The following CCAR2 variants were observed in gnomAD, a reference collection of about 807,000 sequenced individuals.
CCAR2 encodes cell cycle and apoptosis regulator protein 2.
A neutral mutation model predicts 108.1 loss-of-function variants in CCAR2; 21 were observed. The ratio of observed to expected loss-of-function variants is 0.19; its 90% CI spans 0.14 to 0.28. CCAR2 has a LOEUF of 0.28. Among genes scored for constraint, CCAR2 ranks in the 10% least tolerant of loss-of-function variants. The probability of loss-of-function intolerance (pLI) is 1.00; values close to 1 mark genes in which losing one functional copy is unlikely to be tolerated. For missense variants in CCAR2, 1,126 were observed against 1,177.0 expected (o/e 0.96, Z 0.63); for synonymous variants, 577 against 472.8 (o/e 1.22, Z -2.86).
chr8:22,613,131 G>A lies in CCAR2; in HGVS notation c.699G>A (p.Val233=). The A allele has an allele frequency of 6.3e-7, 1 of 1,591,202 alleles. No homozygotes were observed. Among genetic ancestry groups the A allele is most frequent in the Non-Finnish European group, 8.5e-7 (1 of 1,170,318 alleles). ...GGGTCCACCTCACTCCTTACACTGT[G>A]GACAGGTGAGTGGCGAGGCTGAGGT... ...PYRVHLTPYT[V]DSPICDFLEL... is the part of the protein sequence containing the mutation. Residue 233 remains valine (V), a synonymous_variant, in exon 8 of 21, where the codon GTG becomes GTA. Transcript: ENST00000308511.
At chr8:22,605,087 C>T in intron 1 of CCAR2, 1 of 242,604 alleles carries the variant, frequency 4.1e-6, no homozygotes, top group Non-Finnish European at 8.3e-6. Flanking sequence ...GGAGACCCGG[C>T]GCTGGCGGCT....
intron 14 of CCAR2, chr8:22,616,469 T>C (rs970886602): frequency 6.0e-5 from 35 of 580,150 alleles, no homozygotes; most frequent in Non-Finnish European, 8.0e-5. Context: ...CAGAAACCCT[T>C]GTCACTGAGA....
Position 22,606,146 on chromosome 8 carries a change from A to G in CCAR2, c.120A>G (p.Thr40=). 1 of 1,614,184 alleles carries G rather than the reference A, an allele frequency of 6.2e-7. No homozygotes were observed. Among genetic ancestry groups the G allele is most frequent in the Non-Finnish European group, 8.5e-7 (1 of 1,179,988 alleles). ...PPGLLTPPVA[T]ELSQNARHLQ... ...GTTTGCTCACTCCTCCTGTGGCCAC[A>G]GAACTGTCCCAGAATGCCAGGCACC... Residue 40 remains threonine, a synonymous_variant, in exon 3 of 21, where the codon ACA becomes ACG. Coordinates refer to ENST00000308511, the MANE Select transcript of CCAR2 (RefSeq NM_001393997.1).
chr8:22,615,255 T>A, intron 11 of CCAR2, 170 bp from the exon 12 acceptor site: 1 of 935,094 alleles, frequency 1.1e-6, no homozygotes, highest in East Asian at 2.5e-5. Context: ...CCCCACTGAC[T>A]GATCATTTCT....
intron 11 of CCAR2, 46 bp downstream of exon 11, chr8:22,615,047 G>A: frequency 6.7e-7 from 1 of 1,496,918 alleles, no homozygotes; most frequent in Non-Finnish European, 8.9e-7. Context: ...CACCAGGTTG[G>A]GGAGGTTTTG....
downstream of CCAR2, chr8:22,621,430 C>G (rs763135160): frequency 6.2e-7 from 1 of 1,612,918 alleles, no homozygotes; most frequent in Non-Finnish European, 8.5e-7. Context: ...ATTCAGTCAT[C>G]GGCCACAATG....
Position 22,615,409 on chromosome 8 carries a change from CT to C in CCAR2, c.1206-12del, listed in dbSNP as rs1801460716. ...TTGTCACTAAAGAAGTTAGTACCTC[CT>C]TTTGCCATGTGCAGGTGGCGCTTTG... On this transcript the variant is annotated splice_polypyrimidine_tract_variant and intron_variant, in intron 11 of 20. Transcript: ENST00000308511. 2.5e-6 allele frequency: 4 copies of C among 1,610,536 alleles called. No homozygotes were observed. In the African/African-American group the frequency reaches 5.3e-5, roughly 22 times the overall value.
Position 22,613,119 on chromosome 8 carries a change from T to G in CCAR2, c.687T>G (p.Thr229=). The part of the protein sequence containing the change: ...HDLPPYRVHL[T]PYTVDSPICD... The stretch of plus-strand genomic sequence containing the variant: ...TGCCTCCTTACCGGGTCCACCTCAC[T>G]CCTTACACTGTGGACAGGTGAGTGG... Residue 229 remains threonine (T), a synonymous_variant, in exon 8 of 21, where the codon ACT becomes ACG. Coordinates refer to ENST00000308511, the MANE Select transcript of CCAR2 (RefSeq NM_001393997.1). The G allele has an allele frequency of 6.2e-7, 1 of 1,606,736 alleles. No homozygotes were observed. The highest frequency in any genetic ancestry group is 8.5e-7 in the Non-Finnish European group (1 of 1,177,070).
In CCAR2 at chr8:22,619,960, G is replaced by A. The variant is rs1801702330; in HGVS notation, c.*278G>A. On this transcript the variant is annotated 3_prime_UTR_variant, in exon 21 of 21. Coordinates refer to ENST00000308511, the MANE Select transcript of CCAR2 (RefSeq NM_001393997.1). ...GCCCTCAACCTTGGTATTTCTCCTG[G>A]GGCCCTTTTAGTCTTGTGCTGACTT... 14 of 502,164 alleles carry A rather than the reference G, an allele frequency of 2.8e-5. 1 individual carries two copies. In the South Asian group the frequency reaches 3.1e-4, roughly 11 times the overall value. The allele number at this position is 502,164 out of a possible 1,614,324, so 31.1% of individuals were successfully genotyped here. A position where few individuals can be genotyped will look rare whatever the true frequency, so the allele number is the denominator to read the frequency against.
At chr8:22,605,605 A>G (rs1030073091) in intron 1 of CCAR2, 131 bp from the exon 2 acceptor site, 29 of 625,276 alleles carry the variant, frequency 4.6e-5, no homozygotes, top group African/African-American at 4.6e-4. Flanking sequence ...CTCTCCATCC[A>G]TTGCTTTCAT....
rs1235123825 is a variant in CCAR2, at chr8:22,619,319, C to A, written c.2691C>A (p.Thr897=). ...RLLQELRRRL[T]PLQLEIQRVV... is the part of the protein sequence containing the mutation. ...TGCAGGAGCTCCGCAGGCGTCTGAC[C>A]CCCCTGCAGCTGGAGATCCAGCGGG... Residue 897 remains threonine (T), a synonymous_variant, in exon 20 of 21, where the codon ACC becomes ACA. Transcript: ENST00000308511. 1.3e-6 allele frequency: 2 copies of A among 1,563,672 alleles called. No individual in the cohort carries two copies. The highest frequency in any genetic ancestry group is 1.7e-6 in the Non-Finnish European group (2 of 1,154,850).
intron 7 of CCAR2, among the ~76,000 whole-genome samples, chr8:22,608,681 C>G (rs560162425): frequency 6.6e-5 from 10 of 152,220 alleles, no homozygotes; most frequent in African/African-American, 2.2e-4. Context: ...CGTCTTCTCT[C>G]CAGTTCACAT....
chr8:22,608,690 A>G (rs951984615), intron 7 of CCAR2, among the ~76,000 whole-genome samples: 1 of 152,092 alleles, frequency 6.6e-6, no homozygotes. Flanking sequence ...TCCAGTTCAC[A>G]TGTTCCTTCC....
At chr8:22,606,034 T>C in intron 2 of CCAR2, 51 bp from the exon 3 acceptor site, 1 of 1,518,626 alleles carries the variant, frequency 6.6e-7, no homozygotes, top group Non-Finnish European at 9.1e-7. Context: ...GGTTGACTCG[T>C]GCTTAAGGTG....
At position 22,615,737 on chromosome 8, in the gene CCAR2, C is replaced by A. The variant is rs529600420; in HGVS notation, c.1433C>A (p.Ser478Tyr). The A allele has an allele frequency of 6.2e-7, 1 of 1,613,702 alleles. No individual in the cohort carries two copies. Among genetic ancestry groups the A allele is most frequent in the African/African-American group, 1.3e-5 (1 of 74,916 alleles). Residue 478 changes from serine (S) to tyrosine (Y), a missense_variant, in exon 13 of 21, where the codon TCT (serine) becomes TAT (tyrosine). Ser to Tyr is a moderately radical substitution (Grantham distance 144, BLOSUM62 -2). Around this residue, in one of 4 missense-constraint regions of CCAR2, gnomAD observed 1,013 missense variants for 993.9 expected, o/e 1.02. Coordinates refer to ENST00000308511, the MANE Select transcript of CCAR2 (RefSeq NM_001393997.1). Reference sequence around the variant, plus strand: ...GCCTTGGAGCAAGCAGCAGACACTTCTAGACGGAACGCAGAAACTCCAGAG... The same window carrying A: ...GCCTTGGAGCAAGCAGCAGACACTTATAGACGGAACGCAGAAACTCCAGAG... ...PDALEQAADT[S>Y]RRNAETPEAT...
chr8:22,607,136 C>T (rs1801107996), intron 5 of CCAR2, 60 bp from the exon 6 acceptor site: 3 of 1,610,078 alleles, frequency 1.9e-6, no homozygotes, highest in Non-Finnish European at 2.5e-6. Flanking sequence ...CTGCATCTTT[C>T]CAAGGTAGTG....
chr8:22,612,879 A>T, intron 7 of CCAR2, 138 bp from the exon 8 acceptor site: 1 of 899,870 alleles, frequency 1.1e-6, no homozygotes, highest in Non-Finnish European at 1.7e-6. Context: ...ACATTCTGTC[A>T]TATGGCTGTT....
chr8:22,616,344 A>G, intron 14 of CCAR2, 96 bp downstream of exon 14: 10 of 1,117,084 alleles, frequency 9.0e-6, no homozygotes, highest in South Asian at 1.4e-5. Context: ...GCCTTAGCTC[A>G]TTCCCTGCAC....
chr8:22,621,092 A>T, downstream of CCAR2: 1 of 279,624 alleles, frequency 3.6e-6, no homozygotes, highest in South Asian at 5.9e-5. Context: ...CAAGGCTAAG[A>T]CCCCCAACTT....
Sources: gnomAD v4.1 joint callset for allele counts (sites outside exome capture counted in the v4.1 genomes callset) on GRCh38, gnomAD v4.1.1 for gene constraint, gnomAD v4.1.1 regional missense constraint, MANE v1.5 for transcripts, NCBI Gene and HGNC (gene_info 2026-07-23, HGNC 2026-07-21) for gene names.